Variants in MET observed in about 807,000 individuals in gnomAD.
The protein encoded by MET is MET proto-oncogene, receptor tyrosine kinase.
A neutral mutation model predicts 133.1 loss-of-function variants in MET; 48 were observed. The ratio of observed to expected loss-of-function variants is 0.36; its 90% CI spans 0.29 to 0.46. The LOEUF (loss-of-function observed/expected upper bound fraction) is 0.46, where lower values mean the gene tolerates loss of function less well. Among genes scored for constraint, MET ranks in the 20% least tolerant of loss-of-function variants. The probability of loss-of-function intolerance (pLI) is 1.00; values close to 1 mark genes in which losing one functional copy is unlikely to be tolerated. For missense variants in MET, 1,442 were observed against 1,695.9 expected, an observed-to-expected ratio of 0.85 and a Z score of 2.63; for synonymous variants, 628 against 616.5, an observed-to-expected ratio of 1.02 and a Z score of -0.28.
chr7:116,704,846 G>T (rs539911090), intron 2 of MET, among the ~76,000 whole-genome samples: 1 of 152,186 alleles, frequency 6.6e-6, no homozygotes, highest in East Asian at 1.9e-4. Context: ...TCAAGAATTT[G>T]CAGATAATGC....
At chr7:116,755,604 C>T (rs2116912108) in intron 6 of MET, 89 bp downstream of exon 6, 2 of 1,518,040 alleles carry the variant, frequency 1.3e-6, no homozygotes, top group Non-Finnish European at 1.8e-6. Flanking sequence ...GCTCAAGAAG[C>T]TCATCTCTTG....
At chr7:116,730,508 A>T (rs1221660653) in intron 2 of MET, among the ~76,000 whole-genome samples, 1 of 152,196 alleles carries the variant, frequency 6.6e-6, no homozygotes, top group Non-Finnish European at 1.5e-5. Context: ...CAAGGGTAAC[A>T]GTGGATGTGG....
At chr7:116,741,450 T>C (rs1454634763) in intron 5 of MET, among the ~76,000 whole-genome samples, 1 of 152,178 alleles carries the variant, frequency 6.6e-6, no homozygotes, top group African/African-American at 2.4e-5. Flanking sequence ...TGCCCAGACA[T>C]GAGCCTCCAT....
chr7:116,796,248 G>A lies in MET; in HGVS notation c.*124G>A, dbSNP rs955855423. On this transcript the variant is annotated 3_prime_UTR_variant, in exon 21 of 21. Transcript: ENST00000397752. ...ATTGCACTATTATAGGACTTGTATT[G>A]TTATTTAAATTACTGGATTCTAAGG... 1.1e-6 allele frequency: 1 copy of A among 883,660 alleles called. No homozygotes were observed. The highest frequency in any genetic ancestry group is 1.8e-5 in the Admixed American group (1 of 55,930). The allele number at this position is 883,660 out of a possible 1,614,324, so 54.7% of individuals were successfully genotyped here. A position where few individuals can be genotyped will look rare whatever the true frequency, so the allele number is the denominator to read the frequency against.
chr7:116,762,442 C>G (rs1269730743), intron 10 of MET, among the ~76,000 whole-genome samples: 2 of 152,142 alleles, frequency 1.3e-5, no homozygotes, highest in African/African-American at 2.4e-5. Context: ...AAGTATTTTG[C>G]ACAGAACCTG....
chr7:116,725,870 A>T (rs1792732107), intron 2 of MET, among the ~76,000 whole-genome samples: 1 of 150,312 alleles, frequency 6.7e-6, no homozygotes. Context: ...GAAAAGGCAC[A>T]GTACAAATAT....
intron 1 of MET, among the ~76,000 whole-genome samples, chr7:116,686,761 C>T (rs943972301): frequency 6.6e-6 from 1 of 152,174 alleles, no homozygotes; most frequent in Admixed American, 6.5e-5. Flanking sequence ...TACCTTTTTC[C>T]ACTGTCAACC....
intron 2 of MET, among the ~76,000 whole-genome samples, chr7:116,723,668 A>C (rs1348697579): frequency 1.3e-5 from 2 of 152,054 alleles, no homozygotes; most frequent in African/African-American, 4.8e-5. Flanking sequence ...TTTGGTGTGG[A>C]TGTCCTTTCT....
chr7:116,680,011 T>C (rs1385263789), intron 1 of MET, among the ~76,000 whole-genome samples: 8 of 152,128 alleles, frequency 5.3e-5, no homozygotes, highest in Admixed American at 6.5e-5. Flanking sequence ...AGAAAACCTT[T>C]CCTGGTGAAA....
At chr7:116,689,578 T>TA in intron 1 of MET, among the ~76,000 whole-genome samples, 1 of 140,880 alleles carries the variant, frequency 7.1e-6, no homozygotes, top group African/African-American at 2.7e-5. Flanking sequence ...TTTTTTTTTT[T>TA]TTTTTTTTGA....
chr7:116,772,918 G>A (rs1039629132), intron 14 of MET, among the ~76,000 whole-genome samples: 26 of 152,040 alleles, frequency 1.7e-4, no homozygotes, highest in African/African-American at 5.1e-4. Flanking sequence ...AAATCCATTC[G>A]TTTAACCGTG....
intron 1 of MET, among the ~76,000 whole-genome samples, chr7:116,697,836 G>T (rs1300371827): frequency 6.6e-6 from 1 of 152,108 alleles, no homozygotes; most frequent in East Asian, 1.9e-4. Context: ...GCTATGCAGG[G>T]TATTGTAATA....
chr7:116,765,264 C>A (rs1423425645), intron 11 of MET, among the ~76,000 whole-genome samples: 5 of 138,308 alleles, frequency 3.6e-5, no homozygotes, highest in African/African-American at 1.4e-4. Flanking sequence ...GGCACCACTG[C>A]ACTCCAGCCT....
At chr7:116,734,470 A>C (rs1394240816) in intron 3 of MET, among the ~76,000 whole-genome samples, 3 of 152,254 alleles carry the variant, frequency 2.0e-5, no homozygotes, top group African/African-American at 4.8e-5. Context: ...ATTAGAAAGA[A>C]TTATATTGTT....
intron 5 of MET, among the ~76,000 whole-genome samples, chr7:116,750,694 A>G (rs1424627981): frequency 3.9e-5 from 6 of 152,232 alleles, no homozygotes; most frequent in Non-Finnish European, 7.3e-5. Flanking sequence ...CTAAGGGCTA[A>G]TATCCAGAAT....
intron 12 of MET, 131 bp from the exon 13 acceptor site, chr7:116,771,367 C>A: frequency 9.9e-7 from 1 of 1,013,170 alleles, no homozygotes; most frequent in Non-Finnish European, 1.5e-6. Context: ...CTCTTATTAT[C>A]CTGAAGGCAG....
intron 5 of MET, among the ~76,000 whole-genome samples, chr7:116,754,696 G>A (rs1289426113): frequency 6.6e-6 from 1 of 151,122 alleles, no homozygotes; most frequent in Non-Finnish European, 1.5e-5. Flanking sequence ...CCACGCCTGT[G>A]ATCCCAGCTA....
Position 116,691,234 on chromosome 7 carries a change from T to C in MET, c.-14-7837T>C, listed in dbSNP as rs189300335. Among the ~76,000 whole-genome samples the C allele has an allele frequency of 4.6e-5, 7 of 152,346 alleles. No individual in the cohort carries two copies. The East Asian group carries it at 1.3e-3, about 29-fold the overall frequency. On this transcript the variant is annotated intron_variant, in intron 1 of 20. Transcript: ENST00000397752. ...ATTTCCATTTTGAGATTATCTTATG[T>C]AAATATTGTAGAAGATTTTAGAATT... is the stretch of plus-strand genomic sequence containing the variant.
At chr7:116,747,641 C>T (rs2116871816) in intron 5 of MET, among the ~76,000 whole-genome samples, 1 of 152,228 alleles carries the variant, frequency 6.6e-6, no homozygotes, top group Middle Eastern at 3.4e-3. Flanking sequence ...CCTTAGAGAC[C>T]TACAAGGAGA....
Sources: allele counts gnomAD v4.1 joint callset (sites outside exome capture counted in the v4.1 genomes callset), GRCh38; gene constraint gnomAD v4.1.1; transcripts MANE v1.5; gene names NCBI Gene and HGNC (gene_info 2026-07-23, HGNC 2026-07-21).